ULK4: variants seen among roughly 807,000 people sequenced by gnomAD.
ULK4 encodes unc-51 like kinase 4.
A neutral mutation model predicts 160.6 loss-of-function variants in ULK4; 133 were observed. The observed-to-expected ratio is 0.83, with a 90% CI of 0.72 to 0.96. ULK4 has a LOEUF of 0.96. Ranked by LOEUF, ULK4 falls within the 40% of genes least tolerant of loss-of-function variation. The pLI is 0.00. For synonymous variants in ULK4, 534 were observed against 539.8 expected, an observed-to-expected ratio of 0.99 and a Z score of 0.15; for missense variants, 1,580 against 1,499.5, an observed-to-expected ratio of 1.05 and a Z score of -0.89.
At chr3:41,733,965 G>C (rs1037490810) in intron 22 of ULK4, among the ~76,000 whole-genome samples, 14 of 151,960 alleles carry the variant, frequency 9.2e-5, no homozygotes, top group African/African-American at 3.4e-4. Context: ...TCAAACTCCT[G>C]ACCTTAGGTG....
At chr3:41,809,919 T>C (rs1224504817) in intron 19 of ULK4, among the ~76,000 whole-genome samples, 1 of 152,164 alleles carries the variant, frequency 6.6e-6, no homozygotes, top group East Asian at 1.9e-4. Context: ...ATAGAAAACA[T>C]ACTCAATGAA....
At chr3:41,458,177 T>C (rs761782007) in intron 33 of ULK4, among the ~76,000 whole-genome samples, 8 of 152,188 alleles carry the variant, frequency 5.3e-5, no homozygotes, top group Middle Eastern at 3.4e-3. Context: ...GGTATATGAA[T>C]ATGGATTTCA....
intron 15 of ULK4, among the ~76,000 whole-genome samples, chr3:41,896,359 A>T (rs1575906009): frequency 1.3e-5 from 2 of 152,070 alleles, no homozygotes; most frequent in Admixed American, 1.3e-4. Flanking sequence ...GGTTCAAGTG[A>T]TTCTCCTGCC....
chr3:41,911,388 T>C lies in ULK4; in HGVS notation c.1016-2A>G. 6.2e-7 allele frequency: 1 copy of C among 1,614,120 alleles called. No homozygotes were observed. Among genetic ancestry groups the C allele is most frequent in the South Asian group, 1.1e-5 (1 of 91,072 alleles). Reference sequence around the variant, plus strand: ...TAGGCCGAAACTCAGTTGGATTTTCTGTAGCAGGAAAGTAATATGTTATCC... The same window carrying C: ...TAGGCCGAAACTCAGTTGGATTTTCCGTAGCAGGAAAGTAATATGTTATCC... On this transcript the variant is annotated splice_acceptor_variant, in intron 10 of 36. Coordinates refer to ENST00000301831, the MANE Select transcript of ULK4 (RefSeq NM_017886.4). LOFTEE classifies it high-confidence loss of function.
chr3:41,393,710 T>C (rs1040506751), intron 35 of ULK4, among the ~76,000 whole-genome samples: 2 of 152,176 alleles, frequency 1.3e-5, no homozygotes, highest in African/African-American at 4.8e-5. Context: ...GCTTTGCACA[T>C]AGTCATAACT....
chr3:41,888,114 A>C (rs1294996549), intron 16 of ULK4, among the ~76,000 whole-genome samples: 1 of 152,030 alleles, frequency 6.6e-6, no homozygotes, highest in Non-Finnish European at 1.5e-5. Context: ...TGAGTCTCTA[A>C]AAATAATAAT....
intron 32 of ULK4, among the ~76,000 whole-genome samples, chr3:41,545,191 G>A (rs1414797662): frequency 1.3e-5 from 2 of 148,670 alleles, no homozygotes; most frequent in East Asian, 2.0e-4. Flanking sequence ...ACAAAAAAAA[G>A]GTATTCTTTC....
intron 32 of ULK4, among the ~76,000 whole-genome samples, chr3:41,490,503 T>A (rs908509080): frequency 1.3e-5 from 2 of 152,176 alleles, no homozygotes; most frequent in Non-Finnish European, 2.9e-5. Flanking sequence ...AAGGTACACA[T>A]TCCTCCACTC....
intron 32 of ULK4, among the ~76,000 whole-genome samples, chr3:41,556,580 T>C (rs1172656778): frequency 1.4e-5 from 2 of 146,444 alleles, no homozygotes; most frequent in Non-Finnish European, 3.0e-5. Flanking sequence ...CTCCACCTCC[T>C]GGGTTCAAGC....
At chr3:41,771,359 T>C (rs1334984091) in intron 21 of ULK4, among the ~76,000 whole-genome samples, 2 of 152,202 alleles carry the variant, frequency 1.3e-5, no homozygotes, top group Non-Finnish European at 2.9e-5. Context: ...TAAGAAAGAA[T>C]ACATTGTCAC....
chr3:41,565,208 T>C (rs968811352), intron 32 of ULK4, among the ~76,000 whole-genome samples: 56 of 152,194 alleles, frequency 3.7e-4, no homozygotes, highest in African/African-American at 1.3e-3. Flanking sequence ...TCAGAACAGA[T>C]TGCCGTAGTT....
At chr3:41,513,985 C>T (rs761066316) in intron 32 of ULK4, among the ~76,000 whole-genome samples, 10 of 152,180 alleles carry the variant, frequency 6.6e-5, no homozygotes, top group East Asian at 1.9e-4. Context: ...AAAATAAATA[C>T]TAAGATAAAA....
intron 35 of ULK4, among the ~76,000 whole-genome samples, chr3:41,379,356 C>T (rs2081595359): frequency 6.6e-6 from 1 of 152,038 alleles, no homozygotes; most frequent in South Asian, 2.1e-4. Flanking sequence ...AATGAGAGCC[C>T]TAATCATTAC....
intron 22 of ULK4, among the ~76,000 whole-genome samples, chr3:41,728,914 TAAAC>T (rs773123667): frequency 1.3e-5 from 2 of 152,334 alleles, no homozygotes; most frequent in African/African-American, 2.4e-5. Flanking sequence ...ATATGGCTTA[TAAAC>T]AAACACACAA....
At chr3:41,670,786 G>T (rs1454184882) in intron 29 of ULK4, among the ~76,000 whole-genome samples, 1 of 152,022 alleles carries the variant, frequency 6.6e-6, no homozygotes, top group Non-Finnish European at 1.5e-5. Context: ...TAAAAGAAAT[G>T]ACTTCAATAA....
intron 22 of ULK4, among the ~76,000 whole-genome samples, chr3:41,745,213 T>C (rs2038378840): frequency 6.6e-6 from 1 of 150,992 alleles, no homozygotes. Flanking sequence ...GGGAATGGAC[T>C]GAAAACAGAA....
intron 21 of ULK4, among the ~76,000 whole-genome samples, chr3:41,783,129 G>T (rs1394385858): frequency 6.6e-6 from 1 of 152,050 alleles, no homozygotes; most frequent in Non-Finnish European, 1.5e-5. Flanking sequence ...GTACGAATTT[G>T]AAAGGATATA....
chr3:41,727,480 A>G (rs111895261), intron 22 of ULK4, among the ~76,000 whole-genome samples: 1,764 of 152,360 alleles, frequency 0.012, 36 homozygotes, highest in African/African-American at 0.04. Flanking sequence ...ACCTCTCGAC[A>G]GGATGTCATT....
chr3:41,484,664 G>A (rs1051945274), intron 32 of ULK4, among the ~76,000 whole-genome samples: 7 of 152,080 alleles, frequency 4.6e-5, no homozygotes, highest in Admixed American at 6.6e-5. Context: ...GTGTTAGCCA[G>A]GATGGTCTTG....
Sources: gnomAD v4.1 joint callset for allele counts (sites outside exome capture counted in the v4.1 genomes callset) on GRCh38, gnomAD v4.1.1 for gene constraint, MANE v1.5 for transcripts, NCBI Gene and HGNC (gene_info 2026-07-23, HGNC 2026-07-21) for gene names.